Variants in NPEPPS observed in about 807,000 individuals in gnomAD.
NPEPPS encodes the protein puromycin-sensitive aminopeptidase.
A neutral mutation model predicts 115.5 loss-of-function variants in NPEPPS; 14 were observed. That is an observed-to-expected ratio of 0.12 (90% CI 0.08 to 0.19). The LOEUF is 0.19. Ranked by LOEUF, NPEPPS falls within the 10% of genes least tolerant of loss-of-function variation. NPEPPS has a pLI of 1.00. For missense variants in NPEPPS, 523 were observed against 1,110.8 expected (o/e 0.47, Z 7.52); for synonymous variants, 285 against 390.6 (o/e 0.73, Z 3.19).
intron 12 of NPEPPS, chr17:47,592,799 G>A (rs1309024647): frequency 2.8e-6 from 1 of 351,742 alleles, no homozygotes; most frequent in African/African-American, 2.1e-5. Flanking sequence ...TGTGCACAAT[G>A]TGCAGGTTTG....
chr17:47,528,175 G>A (rs1420805099), upstream of NPEPPS, among the ~76,000 whole-genome samples: 26 of 146,900 alleles, frequency 1.8e-4, no homozygotes, highest in South Asian at 4.4e-4. Context: ...GGTGGTGGGC[G>A]CCTGTAATCC....
At position 47,602,097 on chromosome 17, in the gene NPEPPS, G is replaced by C. The variant is rs993950521; in HGVS notation, c.1740+350G>C. On this transcript the variant is annotated intron_variant, in intron 15 of 22. Transcript: ENST00000322157. ...TCAATGATGTGTTGTCACCATATGT[G>C]TACTACTGTAATCTAATGAGAGCAG... 7 of 229,934 alleles carry C rather than the reference G, an allele frequency of 3.0e-5. No individual in the cohort carries two copies. The East Asian group carries it at 1.1e-3, about 35-fold the overall frequency. The allele number at this position is 229,934 out of a possible 1,614,324, so 14.2% of individuals were successfully genotyped here.
chr17:47,566,659 A>G (rs1303874576), intron 2 of NPEPPS, among the ~76,000 whole-genome samples: 3 of 150,466 alleles, frequency 2.0e-5, no homozygotes, highest in East Asian at 4.1e-4. Flanking sequence ...ACCACCACGC[A>G]TGATCCACCC....
chr17:47,582,160 T>C (rs1192547817), intron 4 of NPEPPS: 1 of 152,578 alleles, frequency 6.6e-6, no homozygotes, highest in Non-Finnish European at 1.5e-5. Context: ...AAATTTTTAA[T>C]GAAAGAGTAA....
At chr17:47,526,384 C>G (rs916893959), upstream of NPEPPS, among the ~76,000 whole-genome samples, 4 of 152,078 alleles carry the variant, frequency 2.6e-5, no homozygotes, top group Non-Finnish European at 5.9e-5. Flanking sequence ...AGGGAGGGGC[C>G]CCGGTTTGCC....
intron 2 of NPEPPS, chr17:47,559,805 C>G (rs1326010641): frequency 8.3e-6 from 3 of 362,620 alleles, no homozygotes; most frequent in African/African-American, 6.4e-5. Context: ...TCTCACTGTG[C>G]TACCTAGATA....
chr17:47,597,515 AT>A (rs1048964548), intron 13 of NPEPPS, among the ~76,000 whole-genome samples: 4 of 152,022 alleles, frequency 2.6e-5, no homozygotes, highest in East Asian at 3.9e-4. Context: ...AAAGCTAAGT[AT>A]TTTTTTATTA....
intron 1 of NPEPPS, among the ~76,000 whole-genome samples, chr17:47,536,388 CTT>C (rs749380530): frequency 2.2e-3 from 156 of 69,930 alleles, no homozygotes; most frequent in African/African-American, 5.2e-3. Context: ...TATTTTCTCT[CTT>C]TTTTTTTTTT....
intron 1 of NPEPPS, among the ~76,000 whole-genome samples, chr17:47,542,607 A>G (rs1908847818): frequency 6.6e-6 from 1 of 151,806 alleles, no homozygotes; most frequent in African/African-American, 2.4e-5. Context: ...GCCAGTCACC[A>G]TAGTGATAAT....
At chr17:47,531,661 G>A (rs1422697350) in intron 1 of NPEPPS, 106 bp downstream of exon 1, 2 of 1,299,238 alleles carry the variant, frequency 1.5e-6, no homozygotes, top group East Asian at 6.6e-5. Context: ...GCCTCGGGTC[G>A]GGGCTGGGCG....
At chr17:47,607,452 G>A (rs1207408103) in intron 17 of NPEPPS, among the ~76,000 whole-genome samples, 1 of 152,088 alleles carries the variant, frequency 6.6e-6, no homozygotes, top group Non-Finnish European at 1.5e-5. Context: ...AGTGGGAGAG[G>A]GCAATGGGAG....
chr17:47,542,030 T>C (rs1908804169), intron 1 of NPEPPS, among the ~76,000 whole-genome samples: 1 of 152,182 alleles, frequency 6.6e-6, no homozygotes, highest in African/African-American at 2.4e-5. Context: ...ATGTATTGGT[T>C]ATTAATAAAT....
At chr17:47,558,051 C>T (rs1176850001) in intron 2 of NPEPPS, among the ~76,000 whole-genome samples, 3 of 151,716 alleles carry the variant, frequency 2.0e-5, no homozygotes, top group African/African-American at 4.8e-5. Flanking sequence ...CTCAGCCTCC[C>T]GAGTAGCTGG....
rs531639700 is a variant in NPEPPS, at chr17:47,556,137, A to G, written c.340+10144A>G. Among the ~76,000 whole-genome samples, 5 of 141,144 alleles carry G rather than the reference A, an allele frequency of 3.5e-5. No homozygotes were observed. The East Asian group carries it at 1.0e-3, about 29-fold the overall frequency. The allele number at this position is 141,144 out of a possible 152,430, so 92.6% of individuals were successfully genotyped here. On this transcript the variant is annotated intron_variant, in intron 2 of 22. Coordinates refer to ENST00000322157, the MANE Select transcript of NPEPPS (RefSeq NM_006310.4). ...TGTTTCTTGCAGAGGGGGATTTGGC[A>G]GGGTCATAGGACAATAGAGGAGGGA...
Position 47,596,428 on chromosome 17 carries a change from T to G in NPEPPS, c.1502T>G (p.Met501Arg). ...GTGATGAATACCTGGACCAAACAAA[T>G]GGGATTTCCCCTCATTTATGTGGAA... The part of the protein sequence containing the change: ...AAVMNTWTKQ[M>R]GFPLIYVEAE... The change falls in exon 13 of 23, where the codon ATG becomes AGG. Residue 501 changes from methionine (M) to arginine (R), a missense_variant. Physicochemically the swap from Met to Arg is moderately conservative, Grantham distance 91. Around this residue, in one of 4 missense-constraint regions of NPEPPS, gnomAD observed 372 missense variants for 542.6 expected, o/e 0.69. Transcript: ENST00000322157. 1 of 1,592,712 alleles carries G rather than the reference T, an allele frequency of 6.3e-7. No homozygotes were observed. The highest frequency in any genetic ancestry group is 8.6e-7 in the Non-Finnish European group (1 of 1,168,682).
chr17:47,581,208 T>C (rs1394980884), intron 4 of NPEPPS: 3 of 152,092 alleles, frequency 2.0e-5, no homozygotes, highest in Admixed American at 6.5e-5. Context: ...ATTTTCTTCC[T>C]GCTTGCTTGT....
intron 3 of NPEPPS, among the ~76,000 whole-genome samples, chr17:47,573,809 G>C (rs1391808102): frequency 6.6e-6 from 1 of 152,198 alleles, no homozygotes; most frequent in Non-Finnish European, 1.5e-5. Flanking sequence ...AGGGTGTGGG[G>C]AGTAGGGCCT....
upstream of NPEPPS, among the ~76,000 whole-genome samples, chr17:47,529,947 TTTA>T (rs750345081): frequency 0.098 from 12,626 of 128,328 alleles, 1,329 homozygotes; most frequent in Middle Eastern, 0.22. Context: ...TATTTATTTA[TTTA>T]TTTTGAGACA....
intron 3 of NPEPPS, among the ~76,000 whole-genome samples, chr17:47,571,560 T>C (rs1454314484): frequency 6.6e-6 from 1 of 151,760 alleles, no homozygotes; most frequent in South Asian, 2.1e-4. Context: ...CTACTAAAAA[T>C]ACAAAAAATT....
Sources: allele counts gnomAD v4.1 joint callset (sites outside exome capture counted in the v4.1 genomes callset), GRCh38; gene constraint gnomAD v4.1.1; regional missense constraint gnomAD v4.1.1; transcripts MANE v1.5; gene names NCBI Gene and HGNC (gene_info 2026-07-23, HGNC 2026-07-21).